Variants in PSMD10 observed in about 807,000 individuals in gnomAD.
PSMD10 encodes the protein 26S proteasome non-ATPase regulatory subunit 10.
In PSMD10, 2 loss-of-function variants were observed where a neutral mutation model predicts 13.2. That is an observed-to-expected ratio of 0.15 (90% confidence interval 0.06 to 0.48). PSMD10 has a LOEUF of 0.48. Ranked by LOEUF, PSMD10 falls within the 20% of genes least tolerant of loss-of-function variation. The pLI is 0.97. For missense variants in PSMD10, 120 were observed against 167.4 expected, an observed-to-expected ratio of 0.72 and a Z score of 1.56; for synonymous variants, 66 against 64.4, an observed-to-expected ratio of 1.03 and a Z score of -0.12.
At position 108,084,753 on chromosome X, in the gene PSMD10, CGACAACAGTAGAACAATCTCAACA is replaced by C; in HGVS notation, c.*197_*220del. ...CCAGAATTCAATATAGAAGAATATA[CGACAACAGTAGAACAATCTCAACA>C]GTTATTCGATGCCTGGAAAACAAGC... is the stretch of plus-strand genomic sequence containing the variant. On this transcript the variant is annotated 3_prime_UTR_variant, in exon 5 of 5. Coordinates refer to ENST00000217958, the MANE Select transcript of PSMD10 (RefSeq NM_002814.4). The C allele has an allele frequency of 3.0e-6, 1 of 331,249 alleles. No homozygotes were observed. 27.3% of individuals were successfully genotyped at this position (331,249 alleles called of 1,213,427 possible).
intron 4 of PSMD10, chrX:108,087,316 C>T (rs2031508038): frequency 8.1e-6 from 1 of 122,742 alleles, no homozygotes; most frequent in African/African-American, 3.2e-5. Context: ...CACATCTATA[C>T]AGAATTTTAT....
intron 1 of PSMD10, among the ~76,000 whole-genome samples, chrX:108,089,830 T>C (rs2031547061): frequency 9.0e-6 from 1 of 111,508 alleles, no homozygotes; most frequent in Non-Finnish European, 1.9e-5. Flanking sequence ...CGAAACTCTG[T>C]TTCAAAAAAT....
chrX:108,087,732 A>G lies in PSMD10; in HGVS notation c.481T>C (p.Tyr161His). 2.5e-6 allele frequency: 3 copies of G among 1,211,832 alleles called. No individual in the cohort carries two copies. The highest frequency in any genetic ancestry group is 3.4e-6 in the Non-Finnish European group (3 of 895,404). ...TCTTGGATGTTTGTGGATGCTTTGT[A>G]GTACAGAAGGATATGAATCATCTTC... is the stretch of plus-strand genomic sequence containing the variant. ...NLKMIHILLY[Y>H]KASTNIQDTE... Residue 161 changes from tyrosine (Y) to histidine (H), a missense_variant, in exon 4 of 5, where the codon TAC (tyrosine) becomes CAC (histidine). Tyr to His is a moderately conservative substitution (Grantham distance 83). Coordinates refer to ENST00000217958, the MANE Select transcript of PSMD10 (RefSeq NM_002814.4).
intron 4 of PSMD10, among the ~76,000 whole-genome samples, chrX:108,086,581 TC>T (rs1043055783): frequency 9.0e-5 from 10 of 111,005 alleles, no homozygotes; most frequent in Non-Finnish European, 1.7e-4. Context: ...ATAAATTAAT[TC>T]CCCAAAAGGA....
intron 4 of PSMD10, 82 bp downstream of exon 4, chrX:108,087,604 T>C: frequency 9.0e-7 from 1 of 1,116,432 alleles, no homozygotes; most frequent in African/African-American, 1.8e-5. Context: ...ATAAGCAGAA[T>C]AAAAAAAGAA....
chrX:108,087,899 G>T (rs771810571), intron 3 of PSMD10, 47 bp from the exon 4 acceptor site: 5 of 1,211,739 alleles, frequency 4.1e-6, no homozygotes, highest in Non-Finnish European at 5.6e-6. Context: ...AAATCTATCT[G>T]TGTTTGTATA....
chrX:108,088,144 A>T, intron 2 of PSMD10, 45 bp from the exon 3 acceptor site: 3 of 1,139,810 alleles, frequency 2.6e-6, no homozygotes. Flanking sequence ...AAAAAGGCAC[A>T]AGGATTAGTG....
chrX:108,088,942 A>C, intron 1 of PSMD10, 92 bp from the exon 2 acceptor site: 1 of 691,284 alleles, frequency 1.4e-6, no homozygotes, highest in Non-Finnish European at 2.2e-6. Context: ...TAGTTTGAAA[A>C]TACGAAATGC....
intron 1 of PSMD10, among the ~76,000 whole-genome samples, chrX:108,090,018 C>G (rs1423783612): frequency 8.9e-6 from 1 of 111,881 alleles, no homozygotes; most frequent in African/African-American, 3.2e-5. Context: ...TAGAAACCCA[C>G]AGGCCTACTG....
intron 1 of PSMD10, among the ~76,000 whole-genome samples, chrX:108,090,741 G>A (rs993782176): frequency 8.9e-6 from 1 of 112,296 alleles, no homozygotes. Context: ...CTGTGAGCAG[G>A]AGGGCAGAAA....
At chrX:108,085,275 T>A in intron 4 of PSMD10, 148 bp from the exon 5 acceptor site, 7 of 559,845 alleles carry the variant, frequency 1.3e-5, no homozygotes, top group Non-Finnish European at 1.6e-5. Flanking sequence ...TCAGTTTGCA[T>A]AGGGAGACTG....
At position 108,084,815 on chromosome X, in the gene PSMD10, A is replaced by G. The variant is rs2031476840; in HGVS notation, c.*159T>C. ...CTGGAAAACAAGCTGTAAGCTTCGA[A>G]CAAGTAACTCAGCAGGAACAAGAGT... is the stretch of plus-strand genomic sequence containing the variant. On this transcript the variant is annotated 3_prime_UTR_variant, in exon 5 of 5. Transcript: ENST00000217958. 1.8e-6 allele frequency: 1 copy of G among 566,335 alleles called. No individual in the cohort carries two copies. The highest frequency in any genetic ancestry group is 2.4e-5 in the African/African-American group (1 of 42,223). 46.7% of individuals were successfully genotyped at this position (566,335 alleles called of 1,213,427 possible). A position where few individuals can be genotyped will look rare whatever the true frequency, so the allele number is the denominator to read the frequency against.
Position 108,084,777 on chromosome X carries a change from A to G in PSMD10, c.*197T>C. 5.1e-6 allele frequency: 2 copies of G among 395,399 alleles called. No individual in the cohort carries two copies. Among genetic ancestry groups the G allele is most frequent in the East Asian group, 8.9e-5 (2 of 22,460 alleles). The allele number at this position is 395,399 out of a possible 1,213,427, so 32.6% of individuals were successfully genotyped here. A position where few individuals can be genotyped will look rare whatever the true frequency, so the allele number is the denominator to read the frequency against. On this transcript the variant is annotated 3_prime_UTR_variant, in exon 5 of 5. Transcript: ENST00000217958. ...ACGACAACAGTAGAACAATCTCAAC[A>G]GTTATTCGATGCCTGGAAAACAAGC...
At chrX:108,089,241 T>C (rs1344049202) in intron 1 of PSMD10, among the ~76,000 whole-genome samples, 2 of 111,914 alleles carry the variant, frequency 1.8e-5, no homozygotes, top group Non-Finnish European at 3.8e-5. Context: ...CAGTGCTTAT[T>C]ATCTCCATTT....
At chrX:108,089,139 G>A (rs2031534313) in intron 1 of PSMD10, among the ~76,000 whole-genome samples, 1 of 112,497 alleles carries the variant, frequency 8.9e-6, no homozygotes, top group Non-Finnish European at 1.9e-5. Flanking sequence ...ATCTTTGGTT[G>A]TTTTACTATT....
chrX:108,086,093 G>A (rs1021546090), intron 4 of PSMD10, among the ~76,000 whole-genome samples: 3 of 111,958 alleles, frequency 2.7e-5, no homozygotes, highest in Non-Finnish European at 5.6e-5. Flanking sequence ...CTTTTTAAAA[G>A]TTGGCTTAAA....
rs556020396 is a variant in PSMD10 at position 108,084,754 on chromosome X, G to A, written c.*220C>T. The A allele has an allele frequency of 1.2e-5, 4 of 329,133 alleles. No homozygotes were observed. Among genetic ancestry groups the A allele is most frequent in the Admixed American group, 5.9e-5 (1 of 17,016 alleles). The allele number at this position is 329,133 out of a possible 1,213,427, so 27.1% of individuals were successfully genotyped here. On this transcript the variant is annotated 3_prime_UTR_variant, in exon 5 of 5. Coordinates refer to ENST00000217958, the MANE Select transcript of PSMD10 (RefSeq NM_002814.4). The stretch of plus-strand genomic sequence containing the variant: ...CAGAATTCAATATAGAAGAATATAC[G>A]ACAACAGTAGAACAATCTCAACAGT...
At chrX:108,086,548 A>G (rs1414268317) in intron 4 of PSMD10, among the ~76,000 whole-genome samples, 2 of 112,107 alleles carry the variant, frequency 1.8e-5, no homozygotes, top group Non-Finnish European at 3.8e-5. Context: ...TGCCAAATCA[A>G]GAGCACTTAA....
Position 108,085,033 on chromosome X carries a change from G to T in PSMD10, c.622C>A (p.Pro208Thr). ...IYIENKEEKT[P>T]LQVAKGGLGL... ...AGGCCACCTTTGGCCACTTGCAGGG[G>T]TGTCTTTTCTTCTTTATTCTCAATG... The change falls in exon 5 of 5, where the codon CCC becomes ACC. Residue 208 changes from proline to threonine, a missense_variant. Around this residue, in one of 3 missense-constraint regions of PSMD10, gnomAD observed 20 missense variants for 16.4 expected, o/e 1.22. Coordinates refer to ENST00000217958, the MANE Select transcript of PSMD10 (RefSeq NM_002814.4). 1.7e-6 allele frequency: 2 copies of T among 1,209,762 alleles called. No individual in the cohort carries two copies. The highest frequency in any genetic ancestry group is 2.2e-6 in the Non-Finnish European group (2 of 894,528).
Sources: allele counts gnomAD v4.1 joint callset (sites outside exome capture counted in the v4.1 genomes callset), GRCh38; gene constraint gnomAD v4.1.1; regional missense constraint gnomAD v4.1.1; transcripts MANE v1.5; gene names NCBI Gene and HGNC (gene_info 2026-07-23, HGNC 2026-07-21).